ADAMTSL3: variants seen among roughly 807,000 people sequenced by gnomAD.
ADAMTSL3 encodes the protein ADAMTS like 3.
Under a neutral mutation model 201.7 loss-of-function variants are expected in ADAMTSL3, and 128 were observed. The ratio of observed to expected loss-of-function variants is 0.63; its 90% CI spans 0.55 to 0.73. The LOEUF (loss-of-function observed/expected upper bound fraction) is 0.73, where lower values mean the gene tolerates loss of function less well. Among genes scored for constraint, ADAMTSL3 ranks in the 30% least tolerant of loss-of-function variants. ADAMTSL3 has a pLI of 0.00. For missense variants in ADAMTSL3, 1,990 were observed against 2,119.6 expected, an observed-to-expected ratio of 0.94 and a Z score of 1.20; for synonymous variants, 738 against 748.4, an observed-to-expected ratio of 0.99 and a Z score of 0.23.
intron 4 of ADAMTSL3, among the ~76,000 whole-genome samples, chr15:83,789,067 T>C (rs1229766684): frequency 2.6e-5 from 4 of 152,206 alleles, no homozygotes; most frequent in African/African-American, 2.4e-5. Context: ...AGCCTCAGCC[T>C]CCCAAAGTGT....
intron 23 of ADAMTSL3, among the ~76,000 whole-genome samples, chr15:84,013,150 A>G (rs529267815): frequency 2.4e-4 from 37 of 152,322 alleles, no homozygotes; most frequent in Non-Finnish European, 4.1e-4. Flanking sequence ...AAGCCACACA[A>G]TGACTTCCTT....
intron 3 of ADAMTSL3, among the ~76,000 whole-genome samples, chr15:83,705,234 G>A (rs2061832851): frequency 6.6e-6 from 1 of 152,166 alleles, no homozygotes; most frequent in Non-Finnish European, 1.5e-5. Flanking sequence ...GCAAACCAGG[G>A]TGGACTTTAA....
At chr15:83,796,336 G>A (rs1043479181) in intron 4 of ADAMTSL3, among the ~76,000 whole-genome samples, 5 of 152,220 alleles carry the variant, frequency 3.3e-5, no homozygotes, top group African/African-American at 1.2e-4. Flanking sequence ...AGTAAAGATT[G>A]CTGGAAGCAA....
At chr15:83,943,249 G>A (rs541834453) in intron 19 of ADAMTSL3, among the ~76,000 whole-genome samples, 167 bp downstream of exon 19, 4 of 152,294 alleles carry the variant, frequency 2.6e-5, no homozygotes, top group East Asian at 3.9e-4. Flanking sequence ...TGCAAGTTCC[G>A]TAGTCCAGGC....
chr15:83,831,427 A>T (rs879196343), intron 6 of ADAMTSL3, among the ~76,000 whole-genome samples: 1 of 152,174 alleles, frequency 6.6e-6, no homozygotes, highest in Non-Finnish European at 1.5e-5. Flanking sequence ...GCCAGAGGGG[A>T]TGTCAGGTTC....
Position 83,835,591 on chromosome 15 carries a change from T to C in ADAMTSL3, c.601-2498T>C, listed in dbSNP as rs145483094. ...GAGAGTGATTCTCATTCTCATGAAA[T>C]GCAGAGTGCTCAGGGACATGAATGT... On this transcript the variant is annotated intron_variant, in intron 6 of 29. Transcript: ENST00000286744. 6.8e-4 allele frequency among the ~76,000 whole-genome samples: 103 copies of C among 152,274 alleles called. 1 individual carries two copies. Among genetic ancestry groups the C allele is most frequent in the Non-Finnish European group, 1.2e-3 (84 of 68,018 alleles).
At chr15:83,970,791 G>T (rs976737647) in intron 20 of ADAMTSL3, among the ~76,000 whole-genome samples, 154 bp downstream of exon 20, 1 of 152,358 alleles carries the variant, frequency 6.6e-6, no homozygotes, top group Middle Eastern at 3.4e-3. Flanking sequence ...TCAGTAGAAC[G>T]TGGAAGACCA....
At chr15:83,824,626 T>G (rs2063979531) in intron 6 of ADAMTSL3, among the ~76,000 whole-genome samples, 1 of 152,172 alleles carries the variant, frequency 6.6e-6, no homozygotes, top group African/African-American at 2.4e-5. Context: ...TCCTCTATGC[T>G]TTGCTCTTTC....
At chr15:83,787,548 A>G (rs1440139502) in intron 4 of ADAMTSL3, among the ~76,000 whole-genome samples, 1 of 152,180 alleles carries the variant, frequency 6.6e-6, no homozygotes, top group African/African-American at 2.4e-5. Flanking sequence ...GTACATGTAT[A>G]TAGTTTAAAG....
chr15:83,713,541 A>G (rs537592798), intron 3 of ADAMTSL3, among the ~76,000 whole-genome samples: 1 of 152,260 alleles, frequency 6.6e-6, no homozygotes, highest in African/African-American at 2.4e-5. Flanking sequence ...ATTACAGCAT[A>G]AAACAAATGC....
rs982006706 is a variant in ADAMTSL3 at position 83,854,506 on chromosome 15, A to G, written c.728-4260A>G. 7.9e-5 allele frequency among the ~76,000 whole-genome samples: 12 copies of G among 152,190 alleles called. No homozygotes were observed. The East Asian group carries it at 2.3e-3, about 29-fold the overall frequency. On this transcript the variant is annotated intron_variant, in intron 7 of 29. Transcript: ENST00000286744. ...GTTGATGATGTCAGCTTGATCCAGT[A>G]TTACTCACACAGGTGGTGAACTACA...
chr15:83,730,154 A>G (rs541112831), intron 3 of ADAMTSL3, among the ~76,000 whole-genome samples: 1 of 152,114 alleles, frequency 6.6e-6, no homozygotes, highest in Non-Finnish European at 1.5e-5. Context: ...GTGGAGTTCT[A>G]TGTGAGCTGA....
intron 7 of ADAMTSL3, among the ~76,000 whole-genome samples, chr15:83,845,946 G>A (rs1486126400): frequency 6.6e-6 from 1 of 152,172 alleles, no homozygotes; most frequent in African/African-American, 2.4e-5. Context: ...ACCTGGCCCA[G>A]TACCTGGCAC....
In ADAMTSL3 at chr15:83,806,665, C is replaced by T. The variant is rs138306150; in HGVS notation, c.363+1970C>T. On this transcript the variant is annotated intron_variant, in intron 5 of 29. Transcript: ENST00000286744. The stretch of plus-strand genomic sequence containing the variant: ...AGTCAGGAGTTTAAGACAAGCCTGG[C>T]CAACATGGTGAAACTCTGTCTCTAC... Among the ~76,000 whole-genome samples, 240 of 152,156 alleles carry T rather than the reference C, an allele frequency of 1.6e-3. 2 individuals carry two copies. Among genetic ancestry groups the T allele is most frequent in the Middle Eastern group, 6.8e-3 (2 of 294 alleles).
chr15:83,721,907 A>G (rs1044547927), intron 3 of ADAMTSL3, among the ~76,000 whole-genome samples: 3 of 151,740 alleles, frequency 2.0e-5, no homozygotes. Flanking sequence ...TAATTTTTTT[A>G]TTTTTAGTAG....
At chr15:83,759,234 T>C (rs2141698026) in intron 3 of ADAMTSL3, among the ~76,000 whole-genome samples, 1 of 152,160 alleles carries the variant, frequency 6.6e-6, no homozygotes, top group East Asian at 1.9e-4. Context: ...ATGACATTTT[T>C]TTTTTTTTTG....
chr15:83,979,324 A>T (rs1567278211), intron 20 of ADAMTSL3, among the ~76,000 whole-genome samples: 1 of 152,228 alleles, frequency 6.6e-6, no homozygotes, highest in Non-Finnish European at 1.5e-5. Context: ...CCATGTGCAC[A>T]TCCATCTTTT....
At chr15:83,956,646 A>T (rs1010921846) in intron 19 of ADAMTSL3, among the ~76,000 whole-genome samples, 2 of 151,776 alleles carry the variant, frequency 1.3e-5, no homozygotes, top group Non-Finnish European at 2.9e-5. Flanking sequence ...TATCTGTTCC[A>T]TGTGTTTTAA....
intron 17 of ADAMTSL3, among the ~76,000 whole-genome samples, chr15:83,939,466 T>G (rs750230150): frequency 3.3e-5 from 5 of 152,110 alleles, no homozygotes; most frequent in Non-Finnish European, 5.9e-5. Flanking sequence ...CATGTAAACT[T>G]TCAAATTTAT....
Sources: gnomAD v4.1 joint callset for allele counts (sites outside exome capture counted in the v4.1 genomes callset) on GRCh38, gnomAD v4.1.1 for gene constraint, MANE v1.5 for transcripts, NCBI Gene and HGNC (gene_info 2026-07-23, HGNC 2026-07-21) for gene names.